Variants in CHSY3 observed in about 807,000 individuals in gnomAD.
The protein encoded by CHSY3 is chondroitin sulfate synthase 3, also known as N-acetylgalactosaminyl-proteoglycan 3-beta-glucuronosyltransferase 3.
CHSY3 carries 35 observed loss-of-function variants against 67.2 expected under a neutral mutation model. The observed-to-expected ratio is 0.52, with a 90% CI of 0.40 to 0.69. CHSY3 has a LOEUF of 0.69. CHSY3 is among the 30% of genes least tolerant of loss of function. CHSY3 has a pLI of 0.00. For synonymous variants in CHSY3, 474 were observed against 434.7 expected (o/e 1.09, Z -1.12); for missense variants, 1,069 against 1,138.5 (o/e 0.94, Z 0.88).
At chr5:130,084,034 C>T (rs1766527476) in intron 2 of CHSY3, among the ~76,000 whole-genome samples, 1 of 151,832 alleles carries the variant, frequency 6.6e-6, no homozygotes, top group Non-Finnish European at 1.5e-5. Flanking sequence ...AATCAGATAA[C>T]TAATCGTGTT....
At chr5:129,987,138 A>G (rs1458515839) in intron 2 of CHSY3, among the ~76,000 whole-genome samples, 1 of 152,190 alleles carries the variant, frequency 6.6e-6, no homozygotes, top group African/African-American at 2.4e-5. Flanking sequence ...AGAAAAATGA[A>G]AATATTAAAA....
intron 2 of CHSY3, among the ~76,000 whole-genome samples, chr5:130,081,468 T>G (rs1204591268): frequency 6.6e-6 from 1 of 151,980 alleles, no homozygotes; most frequent in Non-Finnish European, 1.5e-5. Context: ...GAACATAGTG[T>G]GATGATTAAA....
At position 130,048,773 on chromosome 5, in the gene CHSY3, T is replaced by C. The variant is rs368920287; in HGVS notation, c.1087-135456T>C. Among the ~76,000 whole-genome samples, 31 of 152,092 alleles carry C rather than the reference T, an allele frequency of 2.0e-4. No homozygotes were observed. The East Asian group carries it at 5.4e-3, about 27-fold the overall frequency. On this transcript the variant is annotated intron_variant, in intron 2 of 2. Transcript: ENST00000305031. ...GTCATCTTCCAACTTGTGAGTGAGA[T>C]GGGGAGGATAAATATTAAGAAAGCA...
At chr5:130,060,764 A>T (rs1448016801) in intron 2 of CHSY3, among the ~76,000 whole-genome samples, 1 of 152,180 alleles carries the variant, frequency 6.6e-6, no homozygotes, top group Non-Finnish European at 1.5e-5. Context: ...CCATATACTG[A>T]TAACATTCAA....
intron 2 of CHSY3, among the ~76,000 whole-genome samples, chr5:130,051,631 G>A (rs970923745): frequency 2.0e-5 from 3 of 152,036 alleles, no homozygotes; most frequent in African/African-American, 7.2e-5. Context: ...TTCATTACTA[G>A]AGTGATAAGC....
chr5:130,149,936 A>G (rs1769184548), intron 2 of CHSY3, among the ~76,000 whole-genome samples: 1 of 152,214 alleles, frequency 6.6e-6, no homozygotes, highest in Non-Finnish European at 1.5e-5. Flanking sequence ...CCAGCTTTAA[A>G]AGTAGACTAA....
At chr5:130,095,790 GA>G (rs1030945950) in intron 2 of CHSY3, among the ~76,000 whole-genome samples, 1 of 152,130 alleles carries the variant, frequency 6.6e-6, no homozygotes, top group Non-Finnish European at 1.5e-5. Flanking sequence ...AATTACAAAT[GA>G]AAAAAGTAGT....
chr5:129,966,528 A>T (rs1210330049), intron 2 of CHSY3, among the ~76,000 whole-genome samples: 1 of 151,760 alleles, frequency 6.6e-6, no homozygotes, highest in African/African-American at 2.4e-5. Context: ...AAATGATAAA[A>T]TTTTTAATGA....
intron 2 of CHSY3, among the ~76,000 whole-genome samples, chr5:129,948,925 G>T (rs188889854): frequency 6.6e-6 from 1 of 152,170 alleles, no homozygotes; most frequent in Non-Finnish European, 1.5e-5. Flanking sequence ...GTTCTTTAAG[G>T]GTTCTCTATG....
intron 2 of CHSY3, among the ~76,000 whole-genome samples, chr5:130,083,122 G>A (rs977068499): frequency 3.9e-5 from 6 of 152,114 alleles, no homozygotes; most frequent in African/African-American, 1.4e-4. Flanking sequence ...ATTGAATGCA[G>A]AGAAGAAACA....
chr5:130,154,007 C>T (rs1299182927), intron 2 of CHSY3, among the ~76,000 whole-genome samples: 2 of 152,124 alleles, frequency 1.3e-5, no homozygotes, highest in African/African-American at 2.4e-5. Context: ...ACCTCCACCT[C>T]TCAGTTTCAA....
At chr5:130,148,760 G>A (rs778521960) in intron 2 of CHSY3, among the ~76,000 whole-genome samples, 27 of 151,876 alleles carry the variant, frequency 1.8e-4, no homozygotes, top group Non-Finnish European at 2.8e-4. Context: ...TTTTTTTATT[G>A]TAAATTTGTT....
chr5:129,967,006 G>A (rs1762487089), intron 2 of CHSY3, among the ~76,000 whole-genome samples: 1 of 151,800 alleles, frequency 6.6e-6, no homozygotes, highest in African/African-American at 2.4e-5. Context: ...CATCATAAGT[G>A]ATTTGACCAT....
At chr5:130,048,988 CACACACACAG>C (rs2149670064) in intron 2 of CHSY3, among the ~76,000 whole-genome samples, 1 of 151,852 alleles carries the variant, frequency 6.6e-6, no homozygotes, top group Non-Finnish European at 1.5e-5. Flanking sequence ...ATGTTGACAC[CACACACACAG>C]ACACACACGC....
intron 2 of CHSY3, among the ~76,000 whole-genome samples, chr5:130,095,900 C>G (rs1222330735): frequency 6.6e-6 from 1 of 152,202 alleles, no homozygotes; most frequent in Non-Finnish European, 1.5e-5. Context: ...TGACGCACTG[C>G]GGAGACTACA....
At chr5:130,170,029 T>A (rs1769856321) in intron 2 of CHSY3, among the ~76,000 whole-genome samples, 1 of 152,134 alleles carries the variant, frequency 6.6e-6, no homozygotes, top group Admixed American at 6.5e-5. Context: ...GCATATTAGT[T>A]ACATGGGTAT....
chr5:130,135,080 C>T (rs1353806240), intron 2 of CHSY3, among the ~76,000 whole-genome samples: 1 of 151,914 alleles, frequency 6.6e-6, no homozygotes, highest in East Asian at 1.9e-4. Context: ...TACAGATATA[C>T]ACACACATAT....
chr5:130,036,867 T>C (rs936201371), intron 2 of CHSY3, among the ~76,000 whole-genome samples: 15 of 152,216 alleles, frequency 9.9e-5, no homozygotes, highest in Admixed American at 6.6e-4. Context: ...CCACAACTCC[T>C]TGTCAGTGAA....
intron 2 of CHSY3, among the ~76,000 whole-genome samples, chr5:129,967,949 T>C (rs942435945): frequency 6.6e-6 from 1 of 151,792 alleles, no homozygotes; most frequent in Admixed American, 6.6e-5. Context: ...TAAGAGAGTA[T>C]ACATAATATG....
Sources: gnomAD v4.1 joint callset for allele counts (sites outside exome capture counted in the v4.1 genomes callset) on GRCh38, gnomAD v4.1.1 for gene constraint, MANE v1.5 for transcripts, NCBI Gene and HGNC (gene_info 2026-07-23, HGNC 2026-07-21) for gene names.